The following RORB variants were observed in gnomAD, a reference collection of about 807,000 sequenced individuals.
RORB encodes the protein nuclear receptor ROR-beta.
In RORB, 6 loss-of-function variants were observed where a neutral mutation model predicts 59.1. The observed-to-expected ratio is 0.10, with a 90% confidence interval of 0.06 to 0.20. The LOEUF is 0.20. RORB is among the 10% of genes least tolerant of loss of function. RORB has a pLI of 1.00. For synonymous variants in RORB, 215 were observed against 204.5 expected, an observed-to-expected ratio of 1.05 and a Z score of -0.44; for missense variants, 320 against 560.5, an observed-to-expected ratio of 0.57 and a Z score of 4.33.
At chr9:74,682,554 C>G (rs192146118) in intron 9 of RORB, among the ~76,000 whole-genome samples, 2 of 152,036 alleles carry the variant, frequency 1.3e-5, no homozygotes, top group Non-Finnish European at 2.9e-5. Context: ...TGTTCTTTAT[C>G]AATAGACTAA....
chr9:74,665,663 TG>T, intron 7 of RORB, 68 bp downstream of exon 7: 1 of 1,001,084 alleles, frequency 1.0e-6, no homozygotes. Flanking sequence ...AGATTGAAAT[TG>T]GTAAATGAAA....
At chr9:74,502,560 T>TA (rs2118015613) in intron 1 of RORB, among the ~76,000 whole-genome samples, 1 of 152,218 alleles carries the variant, frequency 6.6e-6, no homozygotes, top group Non-Finnish European at 1.5e-5. Context: ...TTGCAATGAA[T>TA]AATACACCTC....
intron 4 of RORB, among the ~76,000 whole-genome samples, chr9:74,657,263 C>T (rs1824099598): frequency 6.6e-6 from 1 of 151,990 alleles, no homozygotes; most frequent in Non-Finnish European, 1.5e-5. Context: ...GATGGGGTTT[C>T]ACCATGTTGG....
At chr9:74,582,674 A>G (rs2118261300) in intron 1 of RORB, among the ~76,000 whole-genome samples, 1 of 152,268 alleles carries the variant, frequency 6.6e-6, no homozygotes, top group Non-Finnish European at 1.5e-5. Context: ...GCTGGATCTG[A>G]GCAGCCACTG....
intron 4 of RORB, among the ~76,000 whole-genome samples, chr9:74,643,278 T>C (rs577655936): frequency 6.6e-6 from 1 of 152,318 alleles, no homozygotes; most frequent in South Asian, 2.1e-4. Flanking sequence ...AGCTTCCTTC[T>C]TGGTGAAGTC....
chr9:74,657,099 G>A (rs922998538), intron 4 of RORB, among the ~76,000 whole-genome samples: 2 of 152,178 alleles, frequency 1.3e-5, no homozygotes, highest in Admixed American at 6.5e-5. Context: ...AGGCTGCAGT[G>A]CAGTGGCCCG....
chr9:74,527,848 GTAT>G (rs1461239496), intron 1 of RORB, among the ~76,000 whole-genome samples: 1 of 151,918 alleles, frequency 6.6e-6, no homozygotes, highest in African/African-American at 2.4e-5. Context: ...TTCTCTCTGT[GTAT>G]CTCACCAGCA....
At chr9:74,643,043 AAGATGCTATCTGTAAAGAAC>A (rs1374491125) in intron 4 of RORB, among the ~76,000 whole-genome samples, 1 of 152,234 alleles carries the variant, frequency 6.6e-6, no homozygotes. Flanking sequence ...TATAAATAGA[AAGATGCTATCTGTAAAGAAC>A]AGATGCTATC....
At chr9:74,587,037 A>G (rs1017363280) in intron 1 of RORB, among the ~76,000 whole-genome samples, 15 of 152,170 alleles carry the variant, frequency 9.9e-5, no homozygotes, top group Admixed American at 1.3e-4. Flanking sequence ...TTAACTTTGG[A>G]TTTTAACTTT....
chr9:74,533,250 G>A (rs762320508), intron 1 of RORB, among the ~76,000 whole-genome samples: 35 of 151,922 alleles, frequency 2.3e-4, no homozygotes, highest in Non-Finnish European at 5.0e-4. Flanking sequence ...TCCCCTGAGA[G>A]GATCCCGTCA....
At chr9:74,658,827 A>G (rs1286307493) in intron 4 of RORB, among the ~76,000 whole-genome samples, 2 of 152,218 alleles carry the variant, frequency 1.3e-5, no homozygotes, top group Non-Finnish European at 1.5e-5. Context: ...AGAATGTTCA[A>G]TTAAACTTTG....
intron 1 of RORB, among the ~76,000 whole-genome samples, chr9:74,526,808 G>A (rs1045898564): frequency 6.6e-6 from 1 of 151,914 alleles, no homozygotes; most frequent in African/African-American, 2.4e-5. Flanking sequence ...AAGAAAAAAA[G>A]GGGGCTAATA....
At chr9:74,667,681 G>T in intron 7 of RORB, 110 bp from the exon 8 acceptor site, 1 of 623,734 alleles carries the variant, frequency 1.6e-6, no homozygotes, top group Non-Finnish European at 2.9e-6. Flanking sequence ...ATCTTTTCTA[G>T]AAGTCTAGTA....
chr9:74,632,314 G>T (rs1823632295), intron 2 of RORB, among the ~76,000 whole-genome samples: 4 of 152,016 alleles, frequency 2.6e-5, no homozygotes, highest in Non-Finnish European at 2.9e-5. Flanking sequence ...AGTCAAAATG[G>T]CACTGTACAC....
chr9:74,657,380 G>A (rs17060398), intron 4 of RORB, among the ~76,000 whole-genome samples: 12,686 of 152,082 alleles, frequency 0.083, 914 homozygotes, highest in East Asian at 0.43. Flanking sequence ...TTGCTCTTTC[G>A]AAACCTCACT....
Position 74,671,880 on chromosome 9 carries a change from G to T in RORB, c.1203G>T (p.Leu401=). The T allele has an allele frequency of 1.2e-6, 2 of 1,608,102 alleles. No homozygotes were observed. Among genetic ancestry groups the T allele is most frequent in the Non-Finnish European group, 1.7e-6 (2 of 1,175,924 alleles). ...ALQHVIQKNH[L]DDETLAKLIA... ...AACATGTGATTCAGAAGAATCACCT[G>T]GATGATGAGACCTTGGCAAAGGTAG... The change falls in exon 9 of 10, where the codon CTG becomes CTT. Residue 401 remains leucine, a synonymous_variant. Coordinates refer to ENST00000376896, the MANE Select transcript of RORB (RefSeq NM_006914.4).
At chr9:74,510,551 C>T (rs1427145569) in intron 1 of RORB, among the ~76,000 whole-genome samples, 5 of 152,052 alleles carry the variant, frequency 3.3e-5, no homozygotes, top group Admixed American at 1.3e-4. Flanking sequence ...TAATCTCTTG[C>T]CTGTGTTTCG....
chr9:74,669,243 C>T (rs574933384), intron 8 of RORB, among the ~76,000 whole-genome samples: 16 of 152,258 alleles, frequency 1.1e-4, no homozygotes, highest in Non-Finnish European at 2.1e-4. Context: ...CTTCGGGAGG[C>T]CGAGGCCAGC....
At chr9:74,665,639 C>A in intron 7 of RORB, 44 bp downstream of exon 7, 1 of 1,194,966 alleles carries the variant, frequency 8.4e-7, no homozygotes, top group Non-Finnish European at 1.2e-6. Context: ...TAGCCACCAT[C>A]AGTTTCTCCA....
Sources: gnomAD v4.1 joint callset for allele counts (sites outside exome capture counted in the v4.1 genomes callset) on GRCh38, gnomAD v4.1.1 for gene constraint, MANE v1.5 for transcripts, NCBI Gene and HGNC (gene_info 2026-07-23, HGNC 2026-07-21) for gene names.